Variants in ANKS1B observed in about 807,000 individuals in gnomAD.
The protein encoded by ANKS1B is ankyrin repeat and sterile alpha motif domain-containing protein 1B.
In ANKS1B, 36 loss-of-function variants were observed where a neutral mutation model predicts 148.3. The observed-to-expected ratio is 0.24, with a 90% CI of 0.19 to 0.32. The LOEUF (loss-of-function observed/expected upper bound fraction) is 0.32, where lower values mean the gene tolerates loss of function less well. Ranked by LOEUF, ANKS1B falls within the 10% of genes least tolerant of loss-of-function variation. The pLI, the probability that ANKS1B is intolerant of heterozygous loss-of-function variation, is 1.00. For missense variants in ANKS1B, 1,157 were observed against 1,542.6 expected, an observed-to-expected ratio of 0.75 and a Z score of 4.19; for synonymous variants, 542 against 560.8, an observed-to-expected ratio of 0.97 and a Z score of 0.47.
chr12:99,832,939 ACGT>A (rs2084266411), intron 1 of ANKS1B, among the ~76,000 whole-genome samples: 3 of 152,174 alleles, frequency 2.0e-5, no homozygotes, highest in Admixed American at 2.0e-4. Flanking sequence ...AAAGTGAAAA[ACGT>A]AAATTGCAGA....
At position 99,084,865 on chromosome 12, in the gene ANKS1B, C is replaced by T. The variant is rs2051090531; in HGVS notation, c.2625+60G>A. 3.7e-6 allele frequency: 5 copies of T among 1,342,180 alleles called. No homozygotes were observed. The Admixed American group carries it at 8.4e-5, about 22-fold the overall frequency. 83.1% of individuals were successfully genotyped at this position (1,342,180 alleles called of 1,614,324 possible). A position where few individuals can be genotyped will look rare whatever the true frequency, so the allele number is the denominator to read the frequency against. On this transcript the variant is annotated intron_variant, in intron 16 of 26. Transcript: ENST00000683438. ...ACTAAATACAAATACTCCTTGCATG[C>T]CTGGACTCAAAATCACTGGGAACCG...
chr12:99,756,067 CAACAT>C (rs1274367358), intron 8 of ANKS1B, among the ~76,000 whole-genome samples: 1 of 152,010 alleles, frequency 6.6e-6, no homozygotes, highest in Non-Finnish European at 1.5e-5. Flanking sequence ...CACTTCTATT[CAACAT>C]AGTACTGAAA....
intron 24 of ANKS1B, among the ~76,000 whole-genome samples, chr12:98,775,434 CTCT>C (rs1435542827): frequency 6.6e-6 from 1 of 151,770 alleles, no homozygotes; most frequent in Non-Finnish European, 1.5e-5. Flanking sequence ...TTCTGGAGCC[CTCT>C]TCTTCTCTTT....
intron 15 of ANKS1B, among the ~76,000 whole-genome samples, chr12:99,102,345 A>G (rs1433710057): frequency 6.6e-6 from 1 of 152,234 alleles, no homozygotes; most frequent in Non-Finnish European, 1.5e-5. Flanking sequence ...AGAAATCTGA[A>G]TGAGTAAGGG....
chr12:98,813,941 C>A (rs150911172), intron 19 of ANKS1B, among the ~76,000 whole-genome samples: 6 of 151,944 alleles, frequency 3.9e-5, no homozygotes, highest in African/African-American at 1.2e-4. Context: ...AGTGCAGTAG[C>A]GTGGTCTTGG....
intron 8 of ANKS1B, among the ~76,000 whole-genome samples, chr12:99,690,947 T>G (rs1326515128): frequency 6.6e-6 from 1 of 151,968 alleles, no homozygotes; most frequent in East Asian, 1.9e-4. Context: ...GTAGCAAACT[T>G]CTGCATGGAC....
intron 12 of ANKS1B, among the ~76,000 whole-genome samples, chr12:99,262,948 C>A (rs2076080105): frequency 6.6e-6 from 1 of 151,940 alleles, no homozygotes; most frequent in Non-Finnish European, 1.5e-5. Flanking sequence ...CTGTTTTCAT[C>A]AGTAAATTTT....
intron 1 of ANKS1B, among the ~76,000 whole-genome samples, chr12:99,966,670 C>T (rs1164418533): frequency 6.6e-6 from 1 of 152,166 alleles, no homozygotes; most frequent in Admixed American, 6.5e-5. Flanking sequence ...GCCTCCAAAG[C>T]ACCATCACCA....
intron 1 of ANKS1B, among the ~76,000 whole-genome samples, chr12:99,899,651 T>C (rs911079828): frequency 2.6e-5 from 4 of 152,200 alleles, no homozygotes; most frequent in Non-Finnish European, 5.9e-5. Context: ...CACTGTTATA[T>C]TCTTGCAGAA....
At chr12:99,965,229 T>C (rs576208656) in intron 1 of ANKS1B, among the ~76,000 whole-genome samples, 10 of 152,172 alleles carry the variant, frequency 6.6e-5, no homozygotes, top group African/African-American at 1.9e-4. Flanking sequence ...GAACATTTTA[T>C]GATGCCAAAA....
chr12:99,417,852 T>C (rs1436612461), intron 11 of ANKS1B, among the ~76,000 whole-genome samples: 1 of 152,078 alleles, frequency 6.6e-6, no homozygotes, highest in Admixed American at 6.5e-5. Flanking sequence ...ACATATCACA[T>C]ACAAAGAAGT....
At chr12:98,966,202 G>T (rs1223904968) in intron 17 of ANKS1B, among the ~76,000 whole-genome samples, 1 of 151,886 alleles carries the variant, frequency 6.6e-6, no homozygotes, top group Non-Finnish European at 1.5e-5. Flanking sequence ...AAACTTACAA[G>T]AAAAAAACAA....
intron 17 of ANKS1B, among the ~76,000 whole-genome samples, chr12:98,921,699 C>T (rs141321885): frequency 5.1e-4 from 78 of 152,148 alleles, no homozygotes; most frequent in African/African-American, 1.9e-3. Context: ...CTTTGGCATG[C>T]TTTGATTATA....
chr12:98,994,913 C>T (rs1011497325), intron 17 of ANKS1B, among the ~76,000 whole-genome samples: 2 of 152,112 alleles, frequency 1.3e-5, no homozygotes, highest in African/African-American at 4.8e-5. Context: ...ATTAGGACTT[C>T]AATTTATGTA....
intron 12 of ANKS1B, among the ~76,000 whole-genome samples, chr12:99,285,729 T>A (rs1010573218): frequency 6.6e-6 from 1 of 152,036 alleles, no homozygotes; most frequent in Non-Finnish European, 1.5e-5. Flanking sequence ...CTGTGTGGCA[T>A]GGAGAGAGAA....
intron 5 of ANKS1B, among the ~76,000 whole-genome samples, chr12:99,780,339 G>A (rs577903998): frequency 6.6e-6 from 1 of 151,856 alleles, no homozygotes; most frequent in Non-Finnish European, 1.5e-5. Context: ...GCAGTGGCGC[G>A]ATCTCGGCTC....
At chr12:99,400,268 G>A (rs1274256385) in intron 11 of ANKS1B, among the ~76,000 whole-genome samples, 2 of 146,846 alleles carry the variant, frequency 1.4e-5, no homozygotes, top group Non-Finnish European at 3.0e-5. Context: ...AATAGTCCAA[G>A]GAATTGGTGG....
At chr12:99,130,539 C>T (rs1262814331) in intron 15 of ANKS1B, among the ~76,000 whole-genome samples, 3 of 152,108 alleles carry the variant, frequency 2.0e-5, no homozygotes, top group Admixed American at 6.5e-5. Context: ...CTTCTCTGTC[C>T]ATCACTATAG....
intron 1 of ANKS1B, among the ~76,000 whole-genome samples, chr12:99,840,239 A>C (rs1380843991): frequency 1.3e-5 from 2 of 152,150 alleles, no homozygotes; most frequent in Non-Finnish European, 2.9e-5. Flanking sequence ...AGAACATTTT[A>C]GGAAGAAATG....
Sources: allele counts gnomAD v4.1 joint callset (sites outside exome capture counted in the v4.1 genomes callset), GRCh38; gene constraint gnomAD v4.1.1; transcripts MANE v1.5; gene names NCBI Gene and HGNC (gene_info 2026-07-23, HGNC 2026-07-21).